Variants in MAP4K3 observed in about 807,000 individuals in gnomAD.
The protein encoded by MAP4K3 is mitogen-activated protein kinase kinase kinase kinase 3.
In MAP4K3, 94 loss-of-function variants were observed where a neutral mutation model predicts 143.5. That is an observed-to-expected ratio of 0.65 (90% CI 0.55 to 0.78). The LOEUF (loss-of-function observed/expected upper bound fraction) is 0.78. Ranked by LOEUF, MAP4K3 falls within the 30% of genes least tolerant of loss-of-function variation. The pLI is 0.00. For synonymous variants in MAP4K3, 416 were observed against 347.2 expected (o/e 1.20, Z -2.20); for missense variants, 1,077 against 1,068.1 (o/e 1.01, Z -0.12).
chr2:39,319,664 C>T (rs891338410), intron 12 of MAP4K3, among the ~76,000 whole-genome samples: 16 of 152,098 alleles, frequency 1.1e-4, no homozygotes, highest in African/African-American at 3.9e-4. Flanking sequence ...CTAAATATTT[C>T]TACTATATAA....
chr2:39,346,028 T>C (rs1450940959), intron 3 of MAP4K3, among the ~76,000 whole-genome samples: 1 of 147,594 alleles, frequency 6.8e-6, no homozygotes, highest in Admixed American at 6.8e-5. Context: ...AATTGAAGCA[T>C]ACAGCTGATA....
chr2:39,402,344 T>C (rs1666973943), intron 1 of MAP4K3, among the ~76,000 whole-genome samples: 3 of 152,156 alleles, frequency 2.0e-5, no homozygotes, highest in Non-Finnish European at 4.4e-5. Context: ...TTTTGATTAA[T>C]TGCCAAATTT....
At position 39,260,796 on chromosome 2, in the gene MAP4K3, A is replaced by T; in HGVS notation, c.2137-19T>A. The T allele has an allele frequency of 6.4e-7, 1 of 1,564,070 alleles. No homozygotes were observed. Among genetic ancestry groups the T allele is most frequent in the Non-Finnish European group, 8.8e-7 (1 of 1,140,430 alleles). ...CTATGTGCTAGAGAAAGAAACAAAA[A>T]TACATTAAACCAAGGAAAATAAAAA... On this transcript the variant is annotated intron_variant, in intron 28 of 33. Coordinates refer to ENST00000263881, the MANE Select transcript of MAP4K3 (RefSeq NM_003618.4).
chr2:39,346,820 A>AAT (rs1665306775), intron 3 of MAP4K3, among the ~76,000 whole-genome samples: 1 of 152,112 alleles, frequency 6.6e-6, no homozygotes, highest in Non-Finnish European at 1.5e-5. Flanking sequence ...TAGAATTACC[A>AAT]TTTGGCACTT....
At chr2:39,401,428 AAG>A (rs1305753510) in intron 1 of MAP4K3, among the ~76,000 whole-genome samples, 1 of 152,206 alleles carries the variant, frequency 6.6e-6, no homozygotes, top group Non-Finnish European at 1.5e-5. Context: ...GAATACTCAG[AAG>A]AATACTGTCT....
chr2:39,399,033 C>G (rs573089137), intron 1 of MAP4K3, among the ~76,000 whole-genome samples: 1 of 140,974 alleles, frequency 7.1e-6, no homozygotes, highest in African/African-American at 2.7e-5. Flanking sequence ...CAAAGCAAGA[C>G]TCTGTCTCGT....
chr2:39,290,277 A>G lies in MAP4K3; in HGVS notation c.1314+15T>C. The G allele has an allele frequency of 6.3e-7, 1 of 1,592,744 alleles. No homozygotes were observed. Among genetic ancestry groups the G allele is most frequent in the Non-Finnish European group, 8.5e-7 (1 of 1,170,792 alleles). On this transcript the variant is annotated intron_variant, in intron 19 of 33. Coordinates refer to ENST00000263881, the MANE Select transcript of MAP4K3 (RefSeq NM_003618.4). ...ATAACACACATATATCAAATTGAAA[A>G]ATAAATCTGTCTACCTTTGGTGGCA...
chr2:39,290,577 A>T (rs7559752), intron 18 of MAP4K3, among the ~76,000 whole-genome samples: 111,254 of 152,000 alleles, frequency 0.73, 45,048 homozygotes, highest in Non-Finnish European at 0.9. Context: ...ACACCGCATG[A>T]TCTTACTCAT....
intron 13 of MAP4K3, among the ~76,000 whole-genome samples, chr2:39,310,644 T>C (rs961766015): frequency 1.1e-4 from 17 of 152,184 alleles, no homozygotes; most frequent in African/African-American, 4.1e-4. Context: ...CTATTTTTAG[T>C]TCTTGAGGAA....
chr2:39,365,954 A>C (rs999872038), intron 2 of MAP4K3, among the ~76,000 whole-genome samples: 3 of 152,226 alleles, frequency 2.0e-5, no homozygotes, highest in Non-Finnish European at 2.9e-5. Flanking sequence ...TTTTAATTTC[A>C]TGTGTGGTGT....
chr2:39,325,077 A>C (rs1218574940), intron 12 of MAP4K3, among the ~76,000 whole-genome samples: 1 of 152,130 alleles, frequency 6.6e-6, no homozygotes, highest in Admixed American at 6.6e-5. Context: ...TCAGCCTCCC[A>C]AAGTGATGGG....
intron 1 of MAP4K3, among the ~76,000 whole-genome samples, chr2:39,420,312 G>A (rs541103375): frequency 2.0e-5 from 3 of 152,190 alleles, no homozygotes; most frequent in Admixed American, 2.0e-4. Context: ...CCATATACAC[G>A]TGCACTTACA....
At chr2:39,299,160 AT>A (rs1316540002) in intron 16 of MAP4K3, among the ~76,000 whole-genome samples, 2 of 152,164 alleles carry the variant, frequency 1.3e-5, no homozygotes, top group Non-Finnish European at 2.9e-5. Context: ...CAAATGAACA[AT>A]TTAAATTGTT....
chr2:39,263,972 C>A (rs1680672137), intron 28 of MAP4K3, among the ~76,000 whole-genome samples: 1 of 152,120 alleles, frequency 6.6e-6, no homozygotes, highest in African/African-American at 2.4e-5. Flanking sequence ...TTCATTCATA[C>A]CAGGTTAATC....
intron 16 of MAP4K3, chr2:39,293,997 G>C (rs927897724): frequency 3.3e-5 from 5 of 152,192 alleles, no homozygotes; most frequent in Non-Finnish European, 7.3e-5. Flanking sequence ...CATTCCTGAA[G>C]TTCCCTTACT....
At chr2:39,339,324 T>C (rs1665074581) in intron 4 of MAP4K3, among the ~76,000 whole-genome samples, 1 of 152,216 alleles carries the variant, frequency 6.6e-6, no homozygotes, top group South Asian at 2.1e-4. Flanking sequence ...GATTTCTGTT[T>C]CTATAATATG....
chr2:39,260,666 G>C lies in MAP4K3; in HGVS notation c.2248C>G (p.Gln750Glu), dbSNP rs1343212373. Reference protein sequence around the residue: ...VGVSRGRDFNQVVRFETVNPN... With the variant: ...VGVSRGRDFNEVVRFETVNPN... The stretch of plus-strand genomic sequence containing the variant: ...TTGACCGTCTCAAATCGAACCACTT[G>C]GTTGAAGTCTCTACCTCTACTGACA... The change falls in exon 29 of 34, where the codon CAA becomes GAA. Residue 750 changes from glutamine (Q) to glutamate (E), a missense_variant. Physicochemically the swap from Gln to Glu is conservative, Grantham distance 29 (BLOSUM62 2). Coordinates refer to ENST00000263881, the MANE Select transcript of MAP4K3 (RefSeq NM_003618.4). 2 of 1,613,864 alleles carry C rather than the reference G, an allele frequency of 1.2e-6. No individual in the cohort carries two copies. The highest frequency in any genetic ancestry group is 1.3e-5 in the African/African-American group (1 of 74,912).
chr2:39,413,133 T>C (rs1667275094), intron 1 of MAP4K3, among the ~76,000 whole-genome samples: 1 of 152,114 alleles, frequency 6.6e-6, no homozygotes, highest in Non-Finnish European at 1.5e-5. Context: ...TTACCTAGAG[T>C]ATAAAGAAAT....
intron 1 of MAP4K3, among the ~76,000 whole-genome samples, chr2:39,397,018 G>A (rs1666827630): frequency 6.6e-6 from 1 of 152,082 alleles, no homozygotes; most frequent in Non-Finnish European, 1.5e-5. Context: ...ATAAGTGGCT[G>A]GATTTCACAT....
Sources: allele counts gnomAD v4.1 joint callset (sites outside exome capture counted in the v4.1 genomes callset), GRCh38; gene constraint gnomAD v4.1.1; transcripts MANE v1.5; gene names NCBI Gene and HGNC (gene_info 2026-07-23, HGNC 2026-07-21).